The following COL9A1 variants were observed in gnomAD, a reference collection of about 807,000 sequenced individuals.
COL9A1 encodes collagen alpha-1(IX) chain.
In COL9A1, 104 loss-of-function variants were observed where a neutral mutation model predicts 142.6. That is an observed-to-expected ratio of 0.73 (90% CI 0.62 to 0.86). The LOEUF is 0.86. Among genes scored for constraint, COL9A1 ranks in the 40% least tolerant of loss-of-function variants. COL9A1 has a pLI of 0.00. For missense variants in COL9A1, 1,210 were observed against 1,176.6 expected (o/e 1.03, Z -0.42); for synonymous variants, 466 against 396.0 (o/e 1.18, Z -2.10).
At position 70,300,315 on chromosome 6, in the gene COL9A1, A is replaced by G; in HGVS notation, c.160T>C (p.Leu54=). ...CPKIRIGQDD[L]PGFDLISQFQ... ...AGGGTACATTGCTACTCACCTGGTA[A>G]GTCATCTTGGCCAATCCTGATCTTT... The change falls in exon 3 of 38, where the codon TTA becomes CTA. Residue 54 remains leucine, a synonymous_variant. Transcript: ENST00000357250. The G allele has an allele frequency of 6.2e-7, 1 of 1,613,510 alleles. No individual in the cohort carries two copies. Among genetic ancestry groups the G allele is most frequent in the East Asian group, 2.2e-5 (1 of 44,858 alleles).
rs752784452 is a variant in COL9A1, at chr6:70,263,306, A to G, written c.1342-9T>C. 6.2e-7 allele frequency: 1 copy of G among 1,604,774 alleles called. No individual in the cohort carries two copies. The highest frequency in any genetic ancestry group is 1.3e-5 in the African/African-American group (1 of 74,214). On this transcript the variant is annotated splice_polypyrimidine_tract_variant and intron_variant, in intron 18 of 37. Transcript: ENST00000357250. ...TGGTCACCTTCTTCACCCTAAAGAA[A>G]AAAAAGAAAAAAGAAAAGCACACCA...
At chr6:70,281,140 G>T (rs1562324219) in intron 8 of COL9A1, 101 bp from the exon 9 acceptor site, 1 of 1,042,856 alleles carries the variant, frequency 9.6e-7, no homozygotes, top group Non-Finnish European at 1.4e-6. Flanking sequence ...GATGGGGATG[G>T]TGTAAGGGTC....
chr6:70,263,423 C>G (rs1771820162), intron 18 of COL9A1, 126 bp from the exon 19 acceptor site: 1 of 715,354 alleles, frequency 1.4e-6, no homozygotes, highest in Non-Finnish European at 2.3e-6. Context: ...ATTCTACTTT[C>G]TTAAATTATT....
intron 37 of COL9A1, among the ~76,000 whole-genome samples, chr6:70,220,090 T>C (rs1314496584): frequency 6.6e-6 from 1 of 152,176 alleles, no homozygotes; most frequent in East Asian, 1.9e-4. Flanking sequence ...TCTCATCCAG[T>C]TCTGCCTTTG....
chr6:70,236,772 T>C (rs1484836326), intron 33 of COL9A1, among the ~76,000 whole-genome samples: 1 of 152,066 alleles, frequency 6.6e-6, no homozygotes, highest in Non-Finnish European at 1.5e-5. Flanking sequence ...GTATCCTACA[T>C]AGAAGGCTGC....
intron 5 of COL9A1, 104 bp downstream of exon 5, chr6:70,294,063 C>T: frequency 6.9e-7 from 1 of 1,451,334 alleles, no homozygotes; most frequent in Non-Finnish European, 9.6e-7. Flanking sequence ...CAAATTCCAT[C>T]TGGGACATGC....
At chr6:70,220,387 AGGGT>A (rs1207161330) in intron 37 of COL9A1, among the ~76,000 whole-genome samples, 1 of 42,482 alleles carries the variant, frequency 2.4e-5, no homozygotes, top group Admixed American at 3.3e-4. Context: ...GGGGTGTGGC[AGGGT>A]GTGTGTGTGT....
intron 14 of COL9A1, among the ~76,000 whole-genome samples, chr6:70,271,228 A>G (rs957183466): frequency 6.6e-6 from 1 of 152,216 alleles, no homozygotes; most frequent in African/African-American, 2.4e-5. Context: ...GACATTTTTT[A>G]TGAAGCCCAG....
intron 18 of COL9A1, among the ~76,000 whole-genome samples, chr6:70,265,844 A>G (rs1353374783): frequency 6.6e-6 from 1 of 152,120 alleles, no homozygotes; most frequent in East Asian, 1.9e-4. Flanking sequence ...TTTAGCTAAG[A>G]AGTTCAAGGG....
rs138470924 is a variant in COL9A1 at position 70,260,597 on chromosome 6, G to A, written c.1449+60C>T. 6.9e-5 allele frequency: 102 copies of A among 1,473,982 alleles called. 1 individual carries two copies. The East Asian group carries it at 2.4e-3, about 34-fold the overall frequency. The allele number at this position is 1,473,982 out of a possible 1,614,324, so 91.3% of individuals were successfully genotyped here. On this transcript the variant is annotated intron_variant, in intron 20 of 37. Transcript: ENST00000357250. ...TGAAGATAAAAAGTTATGTTTAAAC[G>A]GCCAAAATTTTAAATATTTAACACA... is the stretch of plus-strand genomic sequence containing the variant.
At chr6:70,283,133 G>A in intron 6 of COL9A1, 3 of 1,533,206 alleles carry the variant, frequency 2.0e-6, no homozygotes, top group Admixed American at 2.0e-5. Flanking sequence ...CACTAGCATA[G>A]GTGGCACTTC....
chr6:70,234,667 A>G (rs1769783276), intron 34 of COL9A1, 74 bp from the exon 35 acceptor site: 3 of 1,604,606 alleles, frequency 1.9e-6, no homozygotes, highest in Middle Eastern at 1.6e-4. Context: ...GTAAACTGAC[A>G]GACTCTGCAA....
rs375142406 is a variant in COL9A1, at chr6:70,283,694, G to A, written c.780+43C>T. Reference sequence around the variant, plus strand: ...GGAAAGTGGTGAGGTGGAGAGGGTTGAGCTGGGTAGAAGTGGCCTTTGCAG... The same window carrying A: ...GGAAAGTGGTGAGGTGGAGAGGGTTAAGCTGGGTAGAAGTGGCCTTTGCAG... On this transcript the variant is annotated intron_variant, in intron 6 of 37. Transcript: ENST00000357250. 1.6e-5 allele frequency: 24 copies of A among 1,461,934 alleles called. No homozygotes were observed. The African/African-American group carries it at 2.9e-4, about 18-fold the overall frequency. 90.6% of individuals were successfully genotyped at this position (1,461,934 alleles called of 1,614,324 possible). A position where few individuals can be genotyped will look rare whatever the true frequency, so the allele number is the denominator to read the frequency against.
intron 10 of COL9A1, among the ~76,000 whole-genome samples, chr6:70,275,329 A>G (rs751740507): frequency 6.6e-6 from 1 of 152,160 alleles, no homozygotes; most frequent in Non-Finnish European, 1.5e-5. Context: ...TCTAGCAATG[A>G]CAATTGCTTA....
At chr6:70,278,082 A>G (rs1772886580) in intron 10 of COL9A1, among the ~76,000 whole-genome samples, 2 of 152,260 alleles carry the variant, frequency 1.3e-5, no homozygotes, top group African/African-American at 4.8e-5. Flanking sequence ...ACAGTTCCAG[A>G]TGCCTCATGT....
At chr6:70,283,893 G>C in intron 5 of COL9A1, 73 bp from the exon 6 acceptor site, 1 of 1,042,506 alleles carries the variant, frequency 9.6e-7, no homozygotes, top group Non-Finnish European at 1.5e-6. Flanking sequence ...AGAGAGATGA[G>C]TTGCGTCTAA....
chr6:70,252,451 G>T, intron 26 of COL9A1, 136 bp from the exon 27 acceptor site: 1 of 786,464 alleles, frequency 1.3e-6, no homozygotes, highest in Non-Finnish European at 2.2e-6. Context: ...CTGGGAATGT[G>T]CAGAATCTCT....
Position 70,255,385 on chromosome 6 carries a change from A to G in COL9A1, c.1509T>C (p.Asp503=), listed in dbSNP as rs1771215159. The change falls in exon 22 of 38, where the codon GAT becomes GAC. Residue 503 remains aspartate (D), a synonymous_variant. Transcript: ENST00000357250. ...GPQGLPGAPG[D]QGQRGPPGEA... ...CTCCTGGAGGTCCTCGCTGTCCTTG[A>G]TCACCCTGTATGAAAATAAAATTTT... 2 of 1,614,098 alleles carry G rather than the reference A, an allele frequency of 1.2e-6. No homozygotes were observed. Among genetic ancestry groups the G allele is most frequent in the East Asian group, 2.2e-5 (1 of 44,884 alleles).
At chr6:70,222,803 T>C (rs1029605356) in intron 37 of COL9A1, 2 of 152,148 alleles carry the variant, frequency 1.3e-5, no homozygotes, top group African/African-American at 4.8e-5. Context: ...CAAAGAAGGT[T>C]GCAGACTATG....
Sources: allele counts gnomAD v4.1 joint callset (sites outside exome capture counted in the v4.1 genomes callset), GRCh38; gene constraint gnomAD v4.1.1; transcripts MANE v1.5; gene names NCBI Gene and HGNC (gene_info 2026-07-23, HGNC 2026-07-21).